Variants in SPSB4 observed in about 807,000 individuals in gnomAD.
SPSB4 encodes the protein splA/ryanodine receptor domain and SOCS box containing 4, also known as SPRY domain-containing SOCS box protein 4.
In SPSB4, 21 loss-of-function variants were observed where a neutral mutation model predicts 20.9. That is an observed-to-expected ratio of 1.01 (90% confidence interval 0.71 to 1.45). SPSB4 has a LOEUF of 1.45. Ranked by LOEUF, SPSB4 falls within the 40% of genes most tolerant of loss-of-function variation. The pLI is 0.00. For synonymous variants in SPSB4, 207 were observed against 183.8 expected, an observed-to-expected ratio of 1.13 and a Z score of -1.02; for missense variants, 399 against 399.2, an observed-to-expected ratio of 1.00 and a Z score of 0.00.
At chr3:141,053,041 C>T (rs185917478) in intron 1 of SPSB4, among the ~76,000 whole-genome samples, 1 of 152,272 alleles carries the variant, frequency 6.6e-6, no homozygotes, top group East Asian at 1.9e-4. Context: ...GGCTTGGGTT[C>T]GAATCTGTCT....
At chr3:141,132,474 G>C (rs536848371) in intron 2 of SPSB4, among the ~76,000 whole-genome samples, 2 of 152,022 alleles carry the variant, frequency 1.3e-5, no homozygotes, top group Non-Finnish European at 2.9e-5. Context: ...CTTTTATGTC[G>C]TTCTTATGAC....
intron 2 of SPSB4, among the ~76,000 whole-genome samples, chr3:141,120,891 G>A (rs995957223): frequency 1.3e-5 from 2 of 152,048 alleles, no homozygotes; most frequent in Admixed American, 6.6e-5. Flanking sequence ...CCTTTTAATT[G>A]GAGCATTTAG....
chr3:141,064,535 G>A (rs1937825408), intron 1 of SPSB4, among the ~76,000 whole-genome samples: 1 of 152,128 alleles, frequency 6.6e-6, no homozygotes, highest in Admixed American at 6.5e-5. Context: ...AAAATGGAAT[G>A]GTGAAAAACC....
rs779902395 is a variant in SPSB4 at position 141,070,306 on chromosome 3, C to CT, written c.694+3513dup. On this transcript the variant is annotated intron_variant, in intron 2 of 2. Coordinates refer to ENST00000310546, the MANE Select transcript of SPSB4 (RefSeq NM_080862.3). ...TGGTATTCTAAACACTTTACAATTT[C>CT]TTTTTGTTGTTGTTGTTGTTTTTTG... is the stretch of plus-strand genomic sequence containing the variant. 9.9e-4 allele frequency among the ~76,000 whole-genome samples: 150 copies of CT among 152,066 alleles called. 1 individual carries two copies. The highest frequency in any genetic ancestry group is 6.8e-3 in the Middle Eastern group (2 of 294).
intron 2 of SPSB4, among the ~76,000 whole-genome samples, chr3:141,127,815 G>T (rs367942631): frequency 2.6e-5 from 4 of 152,228 alleles, no homozygotes; most frequent in South Asian, 2.1e-4. Flanking sequence ...TGCATGGCAG[G>T]TCAGGGAAAG....
chr3:141,071,592 A>G (rs1938005051), intron 2 of SPSB4, among the ~76,000 whole-genome samples: 2 of 152,182 alleles, frequency 1.3e-5, no homozygotes, highest in Non-Finnish European at 2.9e-5. Context: ...CCAAGGCCAC[A>G]CAGCTAGCAA....
intron 2 of SPSB4, among the ~76,000 whole-genome samples, chr3:141,146,080 C>A (rs2107809970): frequency 1.3e-5 from 2 of 151,542 alleles, no homozygotes; most frequent in Middle Eastern, 6.8e-3. Flanking sequence ...CCTCCACCAC[C>A]CCCCTACCTG....
intron 2 of SPSB4, among the ~76,000 whole-genome samples, chr3:141,123,561 C>A (rs960707795): frequency 2.0e-5 from 3 of 152,220 alleles, no homozygotes; most frequent in African/African-American, 7.2e-5. Flanking sequence ...TCCCCAAATT[C>A]CTCATTCCTT....
chr3:141,068,327 T>C (rs1937929011), intron 2 of SPSB4, among the ~76,000 whole-genome samples: 1 of 152,250 alleles, frequency 6.6e-6, no homozygotes, highest in Admixed American at 6.5e-5. Context: ...CTGATGATTA[T>C]GTCCCTGAGA....
At chr3:141,052,210 C>T (rs1576510057) in intron 1 of SPSB4, among the ~76,000 whole-genome samples, 1 of 152,212 alleles carries the variant, frequency 6.6e-6, no homozygotes, top group African/African-American at 2.4e-5. Flanking sequence ...GGGTTCTAAG[C>T]CCTTTGCTTC....
chr3:141,087,921 A>G (rs1035551549), intron 2 of SPSB4, among the ~76,000 whole-genome samples: 32 of 152,268 alleles, frequency 2.1e-4, no homozygotes, highest in African/African-American at 7.2e-4. Flanking sequence ...TCTTTAGGAA[A>G]CAAAAGTTTG....
chr3:141,131,113 G>A (rs1270253131), intron 2 of SPSB4, among the ~76,000 whole-genome samples: 1 of 152,108 alleles, frequency 6.6e-6, no homozygotes, highest in Non-Finnish European at 1.5e-5. Context: ...AAGGCAAGGG[G>A]CCTGTTACGT....
rs1285858671 is a variant in SPSB4 at position 141,066,525 on chromosome 3, G to C, written c.421G>C (p.Gly141Arg). The C allele has an allele frequency of 6.6e-7, 1 of 1,512,618 alleles. No individual in the cohort carries two copies. The highest frequency in any genetic ancestry group is 8.9e-7 in the Non-Finnish European group (1 of 1,129,542). 93.7% of individuals were successfully genotyped at this position (1,512,618 alleles called of 1,614,324 possible). A position where few individuals can be genotyped will look rare whatever the true frequency, so the allele number is the denominator to read the frequency against. ...ALVGSDAESWGWDLGRSRLYH... is the reference protein window; with the variant it reads ...ALVGSDAESWRWDLGRSRLYH... ...GGTAGGCAGTGACGCCGAGTCGTGG[G>C]GCTGGGACCTGGGCCGCAGCCGCCT... Residue 141 changes from glycine (G) to arginine (R), a missense_variant, in exon 2 of 3, where the codon GGC (glycine) becomes CGC (arginine). By Grantham distance (125) the Gly-to-Arg change is moderately radical (BLOSUM62 -2). Transcript: ENST00000310546.
intron 2 of SPSB4, among the ~76,000 whole-genome samples, chr3:141,146,530 A>T (rs1939415036): frequency 6.6e-6 from 1 of 152,144 alleles, no homozygotes; most frequent in African/African-American, 2.4e-5. Flanking sequence ...TAATCCCAGC[A>T]CTTTGGGAGG....
intron 2 of SPSB4, among the ~76,000 whole-genome samples, chr3:141,144,145 A>G (rs1173028848): frequency 6.6e-6 from 1 of 152,196 alleles, no homozygotes; most frequent in East Asian, 1.9e-4. Context: ...AGCAGATCCT[A>G]TCAGACGTCT....
chr3:141,060,088 C>T (rs1392475617), intron 1 of SPSB4, among the ~76,000 whole-genome samples: 1 of 152,186 alleles, frequency 6.6e-6, no homozygotes, highest in Non-Finnish European at 1.5e-5. Context: ...TATTTACTTG[C>T]CCACCTTGTC....
chr3:141,054,762 G>C (rs1487606532), intron 1 of SPSB4, among the ~76,000 whole-genome samples: 1 of 152,184 alleles, frequency 6.6e-6, no homozygotes, highest in African/African-American at 2.4e-5. Flanking sequence ...TCAGGAGATC[G>C]AGACTATCCT....
intron 2 of SPSB4, among the ~76,000 whole-genome samples, chr3:141,099,189 T>C (rs967965115): frequency 6.6e-6 from 1 of 151,556 alleles, no homozygotes. Context: ...ATATGACTTT[T>C]TTTTTTTTTT....
intron 2 of SPSB4, among the ~76,000 whole-genome samples, chr3:141,141,491 A>G (rs751605276): frequency 3.3e-5 from 5 of 152,164 alleles, no homozygotes; most frequent in African/African-American, 7.2e-5. Flanking sequence ...CAGTTTTTCA[A>G]TATTACATAT....
Sources: gnomAD v4.1 joint callset for allele counts (sites outside exome capture counted in the v4.1 genomes callset) on GRCh38, gnomAD v4.1.1 for gene constraint, MANE v1.5 for transcripts, NCBI Gene and HGNC (gene_info 2026-07-23, HGNC 2026-07-21) for gene names.